KCNMB2: variants seen among roughly 807,000 people sequenced by gnomAD.
KCNMB2 encodes the protein calcium-activated potassium channel subunit beta-2.
In KCNMB2, 9 loss-of-function variants were observed where a neutral mutation model predicts 24.5. The ratio of observed to expected loss-of-function variants is 0.37; its 90% CI spans 0.22 to 0.64. The LOEUF is 0.64. Ranked by LOEUF, KCNMB2 falls within the 30% of genes least tolerant of loss-of-function variation. KCNMB2 has a pLI of 0.63. For synonymous variants in KCNMB2, 109 were observed against 104.4 expected (o/e 1.04, Z -0.27); for missense variants, 226 against 284.3 (o/e 0.79, Z 1.47).
intron 1 of KCNMB2, among the ~76,000 whole-genome samples, chr3:178,790,457 C>T (rs1012632500): frequency 6.6e-6 from 1 of 152,162 alleles, no homozygotes; most frequent in Admixed American, 6.5e-5. Flanking sequence ...ACCAAGCAGG[C>T]TTCTGGGATC....
At chr3:178,649,491 T>C (rs1720031573) in intron 1 of KCNMB2, among the ~76,000 whole-genome samples, 1 of 122,716 alleles carries the variant, frequency 8.1e-6, no homozygotes, top group Non-Finnish European at 1.7e-5. Flanking sequence ...TGAACCTGTC[T>C]AGTCCTGGGC....
intron 1 of KCNMB2, among the ~76,000 whole-genome samples, chr3:178,630,659 G>C (rs1719286814): frequency 6.6e-6 from 1 of 152,196 alleles, no homozygotes; most frequent in Non-Finnish European, 1.5e-5. Context: ...AAGGAGGTGA[G>C]AGGGCAACAG....
At chr3:178,746,483 AT>A (rs1209720229) in intron 1 of KCNMB2, among the ~76,000 whole-genome samples, 2 of 151,878 alleles carry the variant, frequency 1.3e-5, no homozygotes, top group Non-Finnish European at 2.9e-5. Flanking sequence ...CCCTGGAGAC[AT>A]TTTCCTCATT....
At chr3:178,543,907 T>C (rs987752694) in intron 1 of KCNMB2, among the ~76,000 whole-genome samples, 3 of 152,206 alleles carry the variant, frequency 2.0e-5, no homozygotes, top group African/African-American at 7.2e-5. Flanking sequence ...AAGAATACTC[T>C]GTGCATAATT....
intron 1 of KCNMB2, among the ~76,000 whole-genome samples, chr3:178,762,631 G>A (rs1269252605): frequency 1.3e-5 from 2 of 152,130 alleles, no homozygotes. Flanking sequence ...CTATAACTGA[G>A]ATCCAGATGA....
chr3:178,573,583 T>TAAAAA (rs71647211), intron 1 of KCNMB2, among the ~76,000 whole-genome samples: 1 of 124,656 alleles, frequency 8.0e-6, no homozygotes. Context: ...CTACAAAACA[T>TAAAAA]AAAAAAAAAA....
rs150496177 is a variant in KCNMB2 at position 178,693,578 on chromosome 3, C to G, written c.-67-113765C>G. ...ATTTATTTGTATATGTTGAACCAAC[C>G]TTGCATCCCAGAAATAATGCCTACT... On this transcript the variant is annotated intron_variant, in intron 1 of 4. Transcript: ENST00000452583. Among the ~76,000 whole-genome samples, 757 of 152,246 alleles carry G rather than the reference C, an allele frequency of 5.0e-3. 7 individuals carry two copies. Among genetic ancestry groups the G allele is most frequent in the African/African-American group, 0.017 (721 of 41,548 alleles).
intron 1 of KCNMB2, among the ~76,000 whole-genome samples, chr3:178,681,279 C>T (rs553979693): frequency 6.6e-6 from 1 of 152,022 alleles, no homozygotes; most frequent in African/African-American, 2.4e-5. Flanking sequence ...TATAACAATA[C>T]CAACTTTACA....
At chr3:178,743,536 A>C (rs1355372069) in intron 1 of KCNMB2, among the ~76,000 whole-genome samples, 1 of 152,228 alleles carries the variant, frequency 6.6e-6, no homozygotes, top group Non-Finnish European at 1.5e-5. Flanking sequence ...CTGTGTTGAC[A>C]AAATTCTGCA....
At chr3:178,568,854 T>TAGATA (rs1553813618) in intron 1 of KCNMB2, among the ~76,000 whole-genome samples, 4 of 80,734 alleles carry the variant, frequency 5.0e-5, no homozygotes, top group South Asian at 4.1e-4. Flanking sequence ...GATAGATAGA[T>TAGATA]GATAGATAGA....
intron 1 of KCNMB2, among the ~76,000 whole-genome samples, chr3:178,681,805 C>A (rs1721280698): frequency 6.6e-6 from 1 of 152,122 alleles, no homozygotes; most frequent in South Asian, 2.1e-4. Context: ...CCCCTACCAT[C>A]CTGCCTGGCA....
At chr3:178,568,032 T>C (rs921151683) in intron 1 of KCNMB2, among the ~76,000 whole-genome samples, 4 of 152,196 alleles carry the variant, frequency 2.6e-5, no homozygotes, top group Non-Finnish European at 5.9e-5. Context: ...TAAGAAAACA[T>C]AGAAATGTGT....
intron 1 of KCNMB2, among the ~76,000 whole-genome samples, chr3:178,625,456 G>A (rs1261599609): frequency 6.6e-6 from 1 of 152,224 alleles, no homozygotes; most frequent in Non-Finnish European, 1.5e-5. Context: ...AGTGACCAGG[G>A]CATTGCACTT....
At chr3:178,640,606 T>C (rs925925653) in intron 1 of KCNMB2, among the ~76,000 whole-genome samples, 1 of 152,176 alleles carries the variant, frequency 6.6e-6, no homozygotes, top group Non-Finnish European at 1.5e-5. Flanking sequence ...TTTTTTTGTT[T>C]ATATATATTT....
At chr3:178,840,117 TA>T (rs1396948767) in intron 4 of KCNMB2, among the ~76,000 whole-genome samples, 1 of 152,116 alleles carries the variant, frequency 6.6e-6, no homozygotes, top group African/African-American at 2.4e-5. Context: ...AGAAATTGGC[TA>T]AAACAAAGGG....
At chr3:178,684,779 C>A (rs549417013) in intron 1 of KCNMB2, among the ~76,000 whole-genome samples, 1 of 152,020 alleles carries the variant, frequency 6.6e-6, no homozygotes, top group African/African-American at 2.4e-5. Flanking sequence ...TGCGGTGAGC[C>A]GAGATCGCGC....
intron 1 of KCNMB2, among the ~76,000 whole-genome samples, chr3:178,681,887 G>C (rs1721283013): frequency 6.6e-6 from 1 of 152,192 alleles, no homozygotes; most frequent in African/African-American, 2.4e-5. Context: ...TCTGCGGGGA[G>C]AGCAGTGCTA....
chr3:178,805,207 A>C (rs999781747), intron 1 of KCNMB2, among the ~76,000 whole-genome samples: 2 of 152,210 alleles, frequency 1.3e-5, no homozygotes, highest in Non-Finnish European at 2.9e-5. Context: ...TACCTCCCAC[A>C]GTCTCTGTTC....
At chr3:178,761,928 T>C (rs1271832343) in intron 1 of KCNMB2, among the ~76,000 whole-genome samples, 1 of 151,984 alleles carries the variant, frequency 6.6e-6, no homozygotes, top group Non-Finnish European at 1.5e-5. Context: ...CCGCAGCACT[T>C]TGGGAGGCCG....
Sources: gnomAD v4.1 joint callset for allele counts (sites outside exome capture counted in the v4.1 genomes callset) on GRCh38, gnomAD v4.1.1 for gene constraint, MANE v1.5 for transcripts, NCBI Gene and HGNC (gene_info 2026-07-23, HGNC 2026-07-21) for gene names.